VWA5B1: variants seen among roughly 807,000 people sequenced by gnomAD.
VWA5B1 encodes von Willebrand factor A domain-containing protein 5B1.
A neutral mutation model predicts 118.2 loss-of-function variants in VWA5B1; 115 were observed. The ratio of observed to expected loss-of-function variants is 0.97; its 90% CI spans 0.84 to 1.14. The LOEUF (loss-of-function observed/expected upper bound fraction) is 1.14, where lower values mean the gene tolerates loss of function less well. VWA5B1 is among the 50% of genes most tolerant of loss of function. The pLI is 0.00. For synonymous variants in VWA5B1, 682 were observed against 658.4 expected, an observed-to-expected ratio of 1.04 and a Z score of -0.55; for missense variants, 1,596 against 1,603.8, an observed-to-expected ratio of 1.00 and a Z score of 0.08.
At chr1:20,343,983 C>T (rs2089954698) in intron 16 of VWA5B1, among the ~76,000 whole-genome samples, 1 of 143,806 alleles carries the variant, frequency 7.0e-6, no homozygotes, top group South Asian at 2.4e-4. Context: ...ACAGCCCCGC[C>T]ACGGCTCACT....
intron 1 of VWA5B1, among the ~76,000 whole-genome samples, chr1:20,305,023 T>C (rs75568774): frequency 0.024 from 3,698 of 152,180 alleles, 58 homozygotes; most frequent in Middle Eastern, 0.068. Flanking sequence ...CTGTGGGCAG[T>C]GGATACAGCA....
At position 20,332,861 on chromosome 1, in the gene VWA5B1, C is replaced by T. The variant is rs1242095215; in HGVS notation, c.1668C>T (p.Pro556=). ...FPETTEVLVS[P]VSASSLFPGE... ...AGACCACTGAGGTCCTGGTCTCACCCGTCAGCGCCAGCTCCCTCTTCCCTG... is the reference window on the plus strand; with the variant it reads ...AGACCACTGAGGTCCTGGTCTCACCTGTCAGCGCCAGCTCCCTCTTCCCTG... The change falls in exon 12 of 22, where the codon CCC becomes CCT. Residue 556 remains proline, a synonymous_variant. Coordinates refer to ENST00000289815, the MANE Select transcript of VWA5B1 (RefSeq NM_001039500.3). 19 of 1,551,782 alleles carry T rather than the reference C, an allele frequency of 1.2e-5. No homozygotes were observed. In the East Asian group the frequency reaches 2.2e-4, roughly 18 times the overall value.
chr1:20,333,188 T>G (rs950550984), intron 12 of VWA5B1, among the ~76,000 whole-genome samples: 1 of 152,226 alleles, frequency 6.6e-6, no homozygotes, highest in Non-Finnish European at 1.5e-5. Flanking sequence ...TAAGAGCCCC[T>G]GCAGTAGAAC....
intron 1 of VWA5B1, among the ~76,000 whole-genome samples, chr1:20,296,018 A>C (rs1340029089): frequency 6.6e-6 from 1 of 152,126 alleles, no homozygotes; most frequent in Non-Finnish European, 1.5e-5. Flanking sequence ...GTGCACCACC[A>C]AGCCTGGCTA....
intron 1 of VWA5B1, among the ~76,000 whole-genome samples, chr1:20,309,314 G>A (rs549048272): frequency 2.6e-5 from 4 of 152,358 alleles, no homozygotes; most frequent in Admixed American, 6.5e-5. Flanking sequence ...ACAACAAATG[G>A]ATAGAGATAC....
intron 14 of VWA5B1, chr1:20,338,235 T>C: frequency 2.7e-6 from 1 of 373,384 alleles, no homozygotes; most frequent in Non-Finnish European, 5.3e-6. Flanking sequence ...GTAACCTGTC[T>C]GACCTTTGAA....
At chr1:20,293,397 C>T (rs556993261) in intron 1 of VWA5B1, among the ~76,000 whole-genome samples, 63 of 152,352 alleles carry the variant, frequency 4.1e-4, no homozygotes, top group Middle Eastern at 3.4e-3. Context: ...GTGGAAGAGG[C>T]ACCCAGGGAC....
chr1:20,344,138 G>T (rs949269663), intron 16 of VWA5B1, among the ~76,000 whole-genome samples: 1 of 149,318 alleles, frequency 6.7e-6, no homozygotes, highest in Non-Finnish European at 1.5e-5. Flanking sequence ...TCTTCCCCCT[G>T]CCTCCGAGTA....
chr1:20,342,534 C>A lies in VWA5B1; in HGVS notation c.2236C>A (p.Pro746Thr). Residue 746 changes from proline to threonine, a missense_variant, in exon 15 of 22, where the codon CCC becomes ACC. Transcript: ENST00000289815. ...LLPQGCQPFL[P>T]WGQETQAWSP... ...GCCCCAAGGCTGCCAGCCCTTCCTG[C>A]CCTGGGGCCAGGAGACCCAGGCCTG... The A allele has an allele frequency of 6.5e-7, 1 of 1,547,154 alleles. No homozygotes were observed. Among genetic ancestry groups the A allele is most frequent in the East Asian group, 2.4e-5 (1 of 40,862 alleles).
At position 20,310,481 on chromosome 1, in the gene VWA5B1, G is replaced by A. The variant is rs533160584; in HGVS notation, c.-26-95G>A. The A allele has an allele frequency of 2.5e-6, 3 of 1,203,380 alleles. No homozygotes were observed. The African/African-American group carries it at 4.7e-5, about 19-fold the overall frequency. The allele number at this position is 1,203,380 out of a possible 1,614,324, so 74.5% of individuals were successfully genotyped here. A position where few individuals can be genotyped will look rare whatever the true frequency, so the allele number is the denominator to read the frequency against. ...TCTTGGGGAAAATGAAAACAATGAT[G>A]CTCTGATTGCTTGAGGGTGTCTGAA... On this transcript the variant is annotated intron_variant, in intron 1 of 21. Coordinates refer to ENST00000289815, the MANE Select transcript of VWA5B1 (RefSeq NM_001039500.3).
chr1:20,337,917 G>A, intron 14 of VWA5B1, 81 bp downstream of exon 14: 2 of 1,530,656 alleles, frequency 1.3e-6, no homozygotes, highest in Non-Finnish European at 1.8e-6. Context: ...TCAACCGCAG[G>A]ACGTGGCCAT....
At chr1:20,315,677 G>A (rs1390614254) in intron 4 of VWA5B1, among the ~76,000 whole-genome samples, 1 of 152,204 alleles carries the variant, frequency 6.6e-6, no homozygotes, top group Non-Finnish European at 1.5e-5. Flanking sequence ...AGGCCCTGAG[G>A]CAGCAGCAGG....
At chr1:20,307,797 G>A (rs535842293) in intron 1 of VWA5B1, among the ~76,000 whole-genome samples, 2 of 135,426 alleles carry the variant, frequency 1.5e-5, no homozygotes, top group East Asian at 5.0e-4. Flanking sequence ...TCTTTCCAAG[G>A]GGTTCTGACA....
In VWA5B1 at chr1:20,323,533, G is replaced by T; in HGVS notation, c.1143+1G>T. On this transcript the variant is annotated splice_donor_variant, in intron 8 of 21. Transcript: ENST00000289815. LOFTEE classifies it high-confidence loss of function. ...CGGGATCAGCATGCACCGAGTCAAG[G>T]TACCTGCTGAGAGAACCCCTCCCGA... 1 of 1,428,504 alleles carries T rather than the reference G, an allele frequency of 7.0e-7. No individual in the cohort carries two copies. The highest frequency in any genetic ancestry group is 9.2e-7 in the Non-Finnish European group (1 of 1,081,884). 88.5% of individuals were successfully genotyped at this position (1,428,504 alleles called of 1,614,324 possible).
intron 4 of VWA5B1, among the ~76,000 whole-genome samples, chr1:20,315,642 T>C (rs1426282233): frequency 6.6e-6 from 1 of 152,208 alleles, no homozygotes; most frequent in Non-Finnish European, 1.5e-5. Context: ...GGGAATATTT[T>C]GTGCAGGGAG....
At chr1:20,335,411 GT>G (rs1461117803) in intron 12 of VWA5B1, among the ~76,000 whole-genome samples, 8 of 152,170 alleles carry the variant, frequency 5.3e-5, no homozygotes, top group African/African-American at 1.9e-4. Flanking sequence ...GTATAGCAAA[GT>G]TTTTATGAAA....
At chr1:20,350,960 T>G in intron 20 of VWA5B1, 34 bp downstream of exon 20, 1 of 1,546,540 alleles carries the variant, frequency 6.5e-7, no homozygotes, top group African/African-American at 1.4e-5. Flanking sequence ...TACACTCTCC[T>G]GCCACCCATT....
rs1190135556 is a variant in VWA5B1, at chr1:20,358,722, A to C, written c.*4459A>C. Among the ~76,000 whole-genome samples the C allele has an allele frequency of 3.3e-5, 5 of 152,262 alleles. No homozygotes were observed. The highest frequency in any genetic ancestry group is 1.2e-4 in the African/African-American group (5 of 41,470). On this transcript the variant is annotated 3_prime_UTR_variant, in exon 22 of 22. Coordinates refer to ENST00000289815, the MANE Select transcript of VWA5B1 (RefSeq NM_001039500.3). ...TGGGGCATGTGCTCATTGCCTTGGC[A>C]TCTGGAAGATTTTGTTCTTACCAAT...
chr1:20,295,903 C>T (rs543993280), intron 1 of VWA5B1, among the ~76,000 whole-genome samples: 1 of 152,172 alleles, frequency 6.6e-6, no homozygotes, highest in African/African-American at 2.4e-5. Context: ...GTTCTTGTTG[C>T]CCAGGCTGGA....
Sources: allele counts gnomAD v4.1 joint callset (sites outside exome capture counted in the v4.1 genomes callset), GRCh38; gene constraint gnomAD v4.1.1; transcripts MANE v1.5; gene names NCBI Gene and HGNC (gene_info 2026-07-23, HGNC 2026-07-21).